UCN3: variants seen among roughly 807,000 people sequenced by gnomAD.
UCN3 encodes the protein urocortin 3, also known as urocortin-3.
In UCN3, 3 loss-of-function variants were observed where a neutral mutation model predicts 3.6. That is an observed-to-expected ratio of 0.83 (90% confidence interval 0.38 to 2.15). The LOEUF (loss-of-function observed/expected upper bound fraction) is 2.15. Ranked by LOEUF, UCN3 falls within the 30% of genes most tolerant of loss-of-function variation. UCN3 has a pLI of 0.06. For synonymous variants in UCN3, 100 were observed against 93.2 expected (o/e 1.07, Z -0.42); for missense variants, 206 against 208.3 (o/e 0.99, Z 0.07).
In UCN3 at chr10:5,369,862, G is replaced by GGT. The variant is rs1348226825; in HGVS notation, c.-6-3844_-6-3843dup. On this transcript the variant is annotated intron_variant, in intron 1 of 1. Coordinates refer to ENST00000380433, the MANE Select transcript of UCN3 (RefSeq NM_053049.4). ...TGCTGGGTAAACATTTATCCACGTG[G>GGT]GTGTGTGTGTATATGTGTGTGTATA... is the stretch of plus-strand genomic sequence containing the variant. Among the ~76,000 whole-genome samples, 83 of 99,564 alleles carry GGT rather than the reference G, an allele frequency of 8.3e-4. 15 individuals are homozygous for GGT. The highest frequency in any genetic ancestry group is 3.0e-3 in the African/African-American group (77 of 26,040). The allele number at this position is 99,564 out of a possible 152,430, so 65.3% of individuals were successfully genotyped here.
At chr10:5,371,175 ATG>A (rs1371773187) in intron 1 of UCN3, among the ~76,000 whole-genome samples, 6 of 144,222 alleles carry the variant, frequency 4.2e-5, no homozygotes, top group East Asian at 2.1e-4. Flanking sequence ...ATGTGTATGT[ATG>A]TGCATATGTG....
chr10:5,365,626 C>T lies in UCN3; in HGVS notation c.-7+396C>T, dbSNP rs1228179888. Among the ~76,000 whole-genome samples the T allele has an allele frequency of 1.3e-5, 2 of 152,192 alleles. No homozygotes were observed. The highest frequency in any genetic ancestry group is 6.5e-5 in the Admixed American group (1 of 15,284). On this transcript the variant is annotated intron_variant, in intron 1 of 1. Coordinates refer to ENST00000380433, the MANE Select transcript of UCN3 (RefSeq NM_053049.4). This position sits in a 1 kb window ranked among gnomAD's most constrained non-coding sequence, Gnocchi z 4.4. ...GGCTAATGGGAGCCACAGGACATGACTCCACGCCGCCTGCAAAGCAGCGAG... is the reference window on the plus strand; with the variant it reads ...GGCTAATGGGAGCCACAGGACATGATTCCACGCCGCCTGCAAAGCAGCGAG...
At chr10:5,370,293 GTA>G (rs1380006199) in intron 1 of UCN3, among the ~76,000 whole-genome samples, 9 of 37,956 alleles carry the variant, frequency 2.4e-4, no homozygotes, top group Non-Finnish European at 4.2e-4. Context: ...ATGCGTGTGT[GTA>G]TGCGTGTGTA....
intron 1 of UCN3, among the ~76,000 whole-genome samples, chr10:5,368,769 G>A (rs1831291177): frequency 6.6e-6 from 1 of 152,142 alleles, no homozygotes; most frequent in African/African-American, 2.4e-5. Context: ...CAACTCATTA[G>A]GTCCTCTGTA....
intron 1 of UCN3, among the ~76,000 whole-genome samples, chr10:5,369,719 A>C (rs992067484): frequency 6.6e-6 from 1 of 152,248 alleles, no homozygotes; most frequent in Non-Finnish European, 1.5e-5. Context: ...TTTGTAATGC[A>C]AAATAAATGG....
rs7914383 is a variant in UCN3, at chr10:5,374,458, G to A, written c.*252G>A. The A allele has an allele frequency of 0.097, 46,468 of 479,346 alleles. 2,802 individuals are homozygous for A. The highest frequency in any genetic ancestry group is 0.14 in the Middle Eastern group (243 of 1,706). 29.7% of individuals were successfully genotyped at this position (479,346 alleles called of 1,614,324 possible). ...CCTTCCCAGACACAAAGCAGCTAAC[G>A]TTCCTCCCTGTACTCAGCGTCTCCT... On this transcript the variant is annotated 3_prime_UTR_variant, in exon 2 of 2. Transcript: ENST00000380433.
chr10:5,369,746 C>T (rs1447868444), intron 1 of UCN3, among the ~76,000 whole-genome samples: 1 of 152,098 alleles, frequency 6.6e-6, no homozygotes, highest in African/African-American at 2.4e-5. Context: ...CAAAGCAAAA[C>T]CTGATTTCTT....
In UCN3 at chr10:5,370,712, ATG is replaced by A. The variant is rs782807781; in HGVS notation, c.-6-2995_-6-2994del. 7.0e-4 allele frequency among the ~76,000 whole-genome samples: 35 copies of A among 49,918 alleles called. 2 individuals are homozygous for A. In the East Asian group the frequency reaches 7.7e-3, roughly 11 times the overall value. The allele number at this position is 49,918 out of a possible 152,430, so 32.7% of individuals were successfully genotyped here. ...ATGTGTGTATATGTGTGTGTATATGATGTGTGTGTATATGCGTGTGTATATGT... is the reference window on the plus strand; with the variant it reads ...ATGTGTGTATATGTGTGTGTATATGATGTGTGTATATGCGTGTGTATATGT... On this transcript the variant is annotated intron_variant, in intron 1 of 1. Transcript: ENST00000380433.
In UCN3 at chr10:5,366,498, T is replaced by C. The variant is rs10795268; in HGVS notation, c.-7+1268T>C. 0.26 allele frequency among the ~76,000 whole-genome samples: 40,308 copies of C among 152,126 alleles called. 5,780 individuals are homozygous for C. Among genetic ancestry groups the C allele is most frequent in the South Asian group, 0.46 (2,218 of 4,814 alleles). ...AGGAGAAACTTGCAAAATTAGACTT[T>C]ATGTGGGAAGTACAGAGTATCTTTT... On this transcript the variant is annotated intron_variant, in intron 1 of 1. Coordinates refer to ENST00000380433, the MANE Select transcript of UCN3 (RefSeq NM_053049.4). This position sits in a 1 kb window ranked among gnomAD's most constrained non-coding sequence, Gnocchi z 4.2.
Position 5,373,832 on chromosome 10 carries a change from A to G in UCN3, c.112A>G (p.Thr38Ala). The G allele has an allele frequency of 6.2e-7, 1 of 1,613,602 alleles. No homozygotes were observed. Among genetic ancestry groups the G allele is most frequent in the Non-Finnish European group, 8.5e-7 (1 of 1,179,848 alleles). ...KAKPIFSCLN[T>A]ALSEAEKGQW... ...CAAGCCCATCTTCAGCTGCCTCAAC[A>G]CCGCCCTGTCTGAGGCTGAGAAGGG... The change falls in exon 2 of 2, where the codon ACC (threonine) becomes GCC (alanine). Residue 38 changes from threonine (T) to alanine (A), a missense_variant. By Grantham distance (58) the Thr-to-Ala change is moderately conservative. Coordinates refer to ENST00000380433, the MANE Select transcript of UCN3 (RefSeq NM_053049.4).
chr10:5,369,550 C>T (rs1482286890), intron 1 of UCN3, among the ~76,000 whole-genome samples: 5 of 152,218 alleles, frequency 3.3e-5, no homozygotes, highest in African/African-American at 9.6e-5. Flanking sequence ...AGAAGGAATT[C>T]GAGCCTGTGT....
intron 1 of UCN3, among the ~76,000 whole-genome samples, chr10:5,372,026 C>G (rs781805732): frequency 1.5e-4 from 23 of 152,186 alleles, no homozygotes; most frequent in Non-Finnish European, 2.9e-4. Flanking sequence ...ACAGGCATGT[C>G]GGGGTGTGAG....
At chr10:5,370,020 TGTGTGTGTATATGC>T (rs1554811076) in intron 1 of UCN3, among the ~76,000 whole-genome samples, 1 of 129,832 alleles carries the variant, frequency 7.7e-6, no homozygotes, top group African/African-American at 3.3e-5. Context: ...TGTGTGTATA[TGTGTGTGTATATGC>T]GTGTGTATAT....
chr10:5,370,667 G>GTGTGTGTA, intron 1 of UCN3, among the ~76,000 whole-genome samples: 1 of 46,934 alleles, frequency 2.1e-5, no homozygotes, highest in Non-Finnish European at 4.2e-5. Flanking sequence ...GTGTGTGTAT[G>GTGTGTGTA]TGTGTGTATG....
At chr10:5,368,696 C>T (rs552011009) in intron 1 of UCN3, among the ~76,000 whole-genome samples, 1 of 152,100 alleles carries the variant, frequency 6.6e-6, no homozygotes, top group Non-Finnish European at 1.5e-5. Flanking sequence ...AATTTCCAAG[C>T]TTTAAGATGC....
At chr10:5,370,073 A>G (rs112895398) in intron 1 of UCN3, among the ~76,000 whole-genome samples, 76 of 42,480 alleles carry the variant, frequency 1.8e-3, no homozygotes, top group East Asian at 2.5e-3. Context: ...ATATGTGTGT[A>G]TATGCGTGTG....
At chr10:5,368,013 TA>T (rs1834132261) in intron 1 of UCN3, among the ~76,000 whole-genome samples, 1 of 152,032 alleles carries the variant, frequency 6.6e-6, no homozygotes, top group Non-Finnish European at 1.5e-5. Context: ...TTAATTTATT[TA>T]TTTTTTTGAG....
At chr10:5,371,265 G>A (rs1554811536) in intron 1 of UCN3, among the ~76,000 whole-genome samples, 1 of 151,426 alleles carries the variant, frequency 6.6e-6, no homozygotes, top group East Asian at 1.9e-4. Flanking sequence ...AGGTGTGTGT[G>A]CGTGTATGTG....
At position 5,370,223 on chromosome 10, in the gene UCN3, G is replaced by GTGTGTGTGTATGTGTGTGTGTA. The variant is rs781842004; in HGVS notation, c.-6-3490_-6-3489insTGTGTGTATGTGTGTGTGTATG. On this transcript the variant is annotated intron_variant, in intron 1 of 1. Transcript: ENST00000380433. The stretch of plus-strand genomic sequence containing the variant: ...TATATGCGTGTGTATGTGTGTGTAT[G>GTGTGTGTGTATGTGTGTGTGTA]TGCGTGTGTGTATGCGTGTGTGTAT... 1.5e-4 allele frequency among the ~76,000 whole-genome samples: 2 copies of GTGTGTGTGTATGTGTGTGTGTA among 13,764 alleles called. 1 individual carries two copies. The highest frequency in any genetic ancestry group is 2.2e-4 in the Non-Finnish European group (2 of 9,044). 9.0% of individuals were successfully genotyped at this position (13,764 alleles called of 152,430 possible).
Sources: allele counts gnomAD v4.1 joint callset (sites outside exome capture counted in the v4.1 genomes callset), GRCh38; gene constraint gnomAD v4.1.1; non-coding constraint Gnocchi (gnomAD v3.1); transcripts MANE v1.5; gene names NCBI Gene and HGNC (gene_info 2026-07-23, HGNC 2026-07-21).